Variants in FLOT2 observed in about 807,000 individuals in gnomAD.
FLOT2 encodes the protein flotillin 2.
In FLOT2, 35 loss-of-function variants were observed where a neutral mutation model predicts 54.9. That is an observed-to-expected ratio of 0.64 (90% CI 0.49 to 0.84). The LOEUF (loss-of-function observed/expected upper bound fraction) is 0.84, where lower values mean the gene tolerates loss of function less well. FLOT2 is among the 40% of genes least tolerant of loss of function. FLOT2 has a pLI of 0.00. For synonymous variants in FLOT2, 207 were observed against 228.9 expected (o/e 0.90, Z 0.86); for missense variants, 464 against 572.1 (o/e 0.81, Z 1.93).
chr17:28,891,887 G>A (rs944240721), intron 1 of FLOT2, among the ~76,000 whole-genome samples: 1 of 152,188 alleles, frequency 6.6e-6, no homozygotes, highest in Non-Finnish European at 1.5e-5. Flanking sequence ...AAAGGTTGGA[G>A]AGCTGGCATC....
At position 28,880,348 on chromosome 17, in the gene FLOT2, T is replaced by A. The variant is rs540283318; in HGVS notation, c.*213A>T. ...AGATGAGACACAAACCTGATGAAAGTGGCAGTGAAAGTGGGGTAAAGGAGA... is the reference window on the plus strand; with the variant it reads ...AGATGAGACACAAACCTGATGAAAGAGGCAGTGAAAGTGGGGTAAAGGAGA... On this transcript the variant is annotated 3_prime_UTR_variant, in exon 11 of 11. Transcript: ENST00000394908. 1.4e-6 allele frequency: 2 copies of A among 1,403,880 alleles called. No individual in the cohort carries two copies. Among genetic ancestry groups the A allele is most frequent in the African/African-American group, 2.9e-5 (2 of 68,748 alleles). The allele number at this position is 1,403,880 out of a possible 1,614,324, so 87.0% of individuals were successfully genotyped here.
In FLOT2 at chr17:28,880,234, G is replaced by T; in HGVS notation, c.*327C>A. 8.4e-7 allele frequency: 1 copy of T among 1,193,284 alleles called. No homozygotes were observed. Among genetic ancestry groups the T allele is most frequent in the Non-Finnish European group, 1.0e-6 (1 of 955,758 alleles). 73.9% of individuals were successfully genotyped at this position (1,193,284 alleles called of 1,614,324 possible). A position where few individuals can be genotyped will look rare whatever the true frequency, so the allele number is the denominator to read the frequency against. The stretch of plus-strand genomic sequence containing the variant: ...AGGAGCAGCAGGGCCACCCCCCACA[G>T]AGAGTGATTGTAATAAACATCTTCA... On this transcript the variant is annotated 3_prime_UTR_variant, in exon 11 of 11. Transcript: ENST00000394908.
At chr17:28,892,360 T>TC (rs2039665819) in intron 1 of FLOT2, 1 of 146,732 alleles carries the variant, frequency 6.8e-6, no homozygotes, top group African/African-American at 2.5e-5. Flanking sequence ...GCCACTCTTT[T>TC]TTTTTTTTTT....
At chr17:28,894,616 CTTTTTTTTTTTTTTTTT>C (rs34266130) in intron 1 of FLOT2, among the ~76,000 whole-genome samples, 9 of 47,376 alleles carry the variant, frequency 1.9e-4, no homozygotes, top group African/African-American at 6.7e-4. Flanking sequence ...AGAGCAAGAC[CTTTTTTTTTTTTTTTTT>C]TTTTTTTTTT....
At chr17:28,886,067 G>GGGGGGGGGGA in intron 2 of FLOT2, 1 of 579,700 alleles carries the variant, frequency 1.7e-6, no homozygotes, top group South Asian at 1.6e-5. Flanking sequence ...GCGGGGGGGG[G>GGGGGGGGGGA]CATGCTGTCA....
intron 1 of FLOT2, among the ~76,000 whole-genome samples, chr17:28,890,409 C>T (rs960905865): frequency 1.8e-4 from 25 of 140,652 alleles, no homozygotes; most frequent in African/African-American, 4.7e-4. Context: ...TTTTTTGAGA[C>T]GGAGTCTCGC....
intron 1 of FLOT2, among the ~76,000 whole-genome samples, chr17:28,891,056 T>G (rs2039642661): frequency 6.6e-6 from 1 of 152,064 alleles, no homozygotes. Context: ...AATTTTTGTA[T>G]TTTTTGTGGA....
intron 1 of FLOT2, among the ~76,000 whole-genome samples, chr17:28,894,672 T>C (rs767991497): frequency 7.3e-6 from 1 of 137,368 alleles, no homozygotes; most frequent in Non-Finnish European, 1.5e-5. Context: ...CGTCCACTTA[T>C]AGTCTCAGCT....
At chr17:28,890,931 C>T (rs1156314673) in intron 1 of FLOT2, among the ~76,000 whole-genome samples, 1 of 148,952 alleles carries the variant, frequency 6.7e-6, no homozygotes, top group Non-Finnish European at 1.5e-5. Flanking sequence ...TACACGAGTA[C>T]AGCACTGCTG....
rs753073330 is a variant in FLOT2 at position 28,884,848 on chromosome 17, G to C, written c.132-533C>G. ...CCTACTGCTGGGCTAAGATGGAAGT[G>C]ATTCTGTACCTGCCCCTTGCCAGAG... On this transcript the variant is annotated intron_variant, in intron 2 of 10. Transcript: ENST00000394908. This position sits in a 1 kb window ranked among gnomAD's most constrained non-coding sequence, Gnocchi z 5.1. Among the ~76,000 whole-genome samples the C allele has an allele frequency of 2.6e-5, 4 of 152,190 alleles. No homozygotes were observed. The highest frequency in any genetic ancestry group is 5.9e-5 in the Non-Finnish European group (4 of 68,026).
At chr17:28,885,235 G>A (rs2039519896) in intron 2 of FLOT2, among the ~76,000 whole-genome samples, 1 of 152,216 alleles carries the variant, frequency 6.6e-6, no homozygotes, top group African/African-American at 2.4e-5. Flanking sequence ...GATGGGGATG[G>A]TCCCCTTCCC....
Position 28,884,310 on chromosome 17 carries a change from G to A in FLOT2, c.137C>T (p.Ser46Phe), listed in dbSNP as rs2039506015. The A allele has an allele frequency of 1.2e-6, 2 of 1,606,936 alleles. No individual in the cohort carries two copies. The highest frequency in any genetic ancestry group is 1.7e-6 in the Non-Finnish European group (2 of 1,175,514). Residue 46 changes from serine to phenylalanine, a missense_variant, in exon 3 of 11, where the codon TCC (serine) becomes TTC (phenylalanine). Physicochemically the swap from Ser to Phe is radical, Grantham distance 155. Coordinates refer to ENST00000394908, the MANE Select transcript of FLOT2 (RefSeq NM_004475.3). This position sits in a 1 kb window ranked among gnomAD's most constrained non-coding sequence, Gnocchi z 5.1. ...WWCISDTQRI[S>F]LEIMTLQPRC... ...GGGCTGCAACGTCATAATCTCTAGG[G>A]AAATCCTGCCAAGAAACGCAAAACA...
chr17:28,887,376 GC>G (rs988480873), intron 2 of FLOT2, among the ~76,000 whole-genome samples: 1 of 152,144 alleles, frequency 6.6e-6, no homozygotes. Flanking sequence ...GGAAGAGGCT[GC>G]CCCCCAGAAA....
At chr17:28,880,667 C>T (rs371925989) in intron 10 of FLOT2, 46 bp downstream of exon 10, 45 of 1,613,628 alleles carry the variant, frequency 2.8e-5, no homozygotes, top group African/African-American at 1.6e-4. Flanking sequence ...TGGGCCAGTC[C>T]GACGGGCTAC....
intron 1 of FLOT2, among the ~76,000 whole-genome samples, chr17:28,890,001 C>T (rs1178886701): frequency 6.6e-6 from 1 of 152,012 alleles, no homozygotes; most frequent in African/African-American, 2.4e-5. Flanking sequence ...CCTGTTATCA[C>T]GGGGGGTGTA....
chr17:28,886,479 T>C (rs2039549111), intron 2 of FLOT2, among the ~76,000 whole-genome samples: 3 of 152,166 alleles, frequency 2.0e-5, no homozygotes, highest in African/African-American at 4.8e-5. Context: ...AAAGCCCAAA[T>C]GTTCTGATGT....
In FLOT2 at chr17:28,882,394, C is replaced by G. The variant is rs774268977; in HGVS notation, c.522G>C (p.Val174=). Residue 174 remains valine, a synonymous_variant, in exon 6 of 11, where the codon GTG becomes GTC. Coordinates refer to ENST00000394908, the MANE Select transcript of FLOT2 (RefSeq NM_004475.3). This position sits in a 1 kb window ranked among gnomAD's most constrained non-coding sequence, Gnocchi z 5.6. ...LSSLGKTQTA[V]VQRDADIGVA... ...CGCCAATGTCAGCATCTCTCTGCAC[C>G]ACGGCAGTCTGCGTCTTGCCCAGGG... 8.1e-6 allele frequency: 13 copies of G among 1,614,008 alleles called. No individual in the cohort carries two copies. Among genetic ancestry groups the G allele is most frequent in the Middle Eastern group, 1.6e-4 (1 of 6,084 alleles).
rs770625552 is a variant in FLOT2, at chr17:28,882,239, T to G, written c.580-2A>C. The G allele has an allele frequency of 1.9e-6, 3 of 1,614,178 alleles. No individual in the cohort carries two copies. The South Asian group carries it at 3.3e-5, about 18-fold the overall frequency. ...CATCTCCTTCTTGCACTCAGCTTCC[T>G]GGGGACAAAAGGGGCAGAAGGGGAA... On this transcript the variant is annotated splice_acceptor_variant, in intron 6 of 10. Transcript: ENST00000394908. LOFTEE classifies it high-confidence loss of function. The surrounding 1 kb of genome is among the most constrained non-coding windows in gnomAD (Gnocchi z 5.6).
At position 28,882,980 on chromosome 17, in the gene FLOT2, TA is replaced by T; in HGVS notation, c.346+127del. The T allele has an allele frequency of 9.7e-7, 1 of 1,027,980 alleles. No homozygotes were observed. The highest frequency in any genetic ancestry group is 1.4e-6 in the Non-Finnish European group (1 of 709,280). 63.7% of individuals were successfully genotyped at this position (1,027,980 alleles called of 1,614,324 possible). On this transcript the variant is annotated intron_variant, in intron 4 of 10. Coordinates refer to ENST00000394908, the MANE Select transcript of FLOT2 (RefSeq NM_004475.3). This position sits in a 1 kb window ranked among gnomAD's most constrained non-coding sequence, Gnocchi z 5.6. ...CTCAAGTCACCTGAAGTTTTGAAAT[TA>T]AATATTTGAGGAAAAGTGTTTTAGC...
Sources: gnomAD v4.1 joint callset for allele counts (sites outside exome capture counted in the v4.1 genomes callset) on GRCh38, gnomAD v4.1.1 for gene constraint, Gnocchi (gnomAD v3.1) non-coding constraint, MANE v1.5 for transcripts, NCBI Gene and HGNC (gene_info 2026-07-23, HGNC 2026-07-21) for gene names.